Variants in RALYL observed in about 807,000 individuals in gnomAD.
RALYL encodes the protein RALY RNA binding protein like.
RALYL carries 29 observed loss-of-function variants against 35.1 expected under a neutral mutation model. The ratio of observed to expected loss-of-function variants is 0.83; its 90% confidence interval spans 0.61 to 1.13. The LOEUF (loss-of-function observed/expected upper bound fraction) is 1.13, where lower values mean the gene tolerates loss of function less well. Among genes scored for constraint, RALYL ranks in the 50% most tolerant of loss-of-function variants. The pLI is 0.00. For missense variants in RALYL, 359 were observed against 360.4 expected, an observed-to-expected ratio of 1.00 and a Z score of 0.03; for synonymous variants, 120 against 127.6, an observed-to-expected ratio of 0.94 and a Z score of 0.40.
intron 1 of RALYL, among the ~76,000 whole-genome samples, chr8:84,215,503 A>G (rs1820592640): frequency 6.6e-6 from 1 of 151,920 alleles, no homozygotes; most frequent in Admixed American, 6.6e-5. Flanking sequence ...ATAAATGCAT[A>G]TCTATTCATA....
intron 1 of RALYL, among the ~76,000 whole-genome samples, chr8:84,487,280 G>T (rs1258465384): frequency 6.6e-6 from 1 of 152,028 alleles, no homozygotes; most frequent in African/African-American, 2.4e-5. Context: ...CACTGACCTT[G>T]TTTTGAGTCG....
At chr8:84,863,032 C>T (rs1015630973) in intron 6 of RALYL, among the ~76,000 whole-genome samples, 8 of 152,132 alleles carry the variant, frequency 5.3e-5, no homozygotes, top group Non-Finnish European at 1.0e-4. Flanking sequence ...TCCAACTAAA[C>T]ACATTGCTAA....
intron 1 of RALYL, among the ~76,000 whole-genome samples, chr8:84,360,377 A>G (rs941350536): frequency 6.6e-6 from 1 of 152,202 alleles, no homozygotes; most frequent in Admixed American, 6.6e-5. Context: ...GTTGTCTTGA[A>G]TCTTACAAGA....
intron 2 of RALYL, among the ~76,000 whole-genome samples, chr8:84,637,050 C>G (rs890248436): frequency 1.3e-5 from 2 of 151,854 alleles, no homozygotes; most frequent in Non-Finnish European, 2.9e-5. Context: ...ACCTTCCTAT[C>G]AGAAAATATA....
chr8:84,905,008 T>C (rs571202024), intron 8 of RALYL, among the ~76,000 whole-genome samples: 6 of 152,194 alleles, frequency 3.9e-5, no homozygotes, highest in Admixed American at 6.6e-5. Flanking sequence ...TACAGTATTG[T>C]TGACTATGCA....
At chr8:84,305,725 G>C (rs933384754) in intron 1 of RALYL, among the ~76,000 whole-genome samples, 14 of 152,118 alleles carry the variant, frequency 9.2e-5, no homozygotes, top group African/African-American at 2.9e-4. Flanking sequence ...AAGTTGGTTG[G>C]TAATTGAATA....
At chr8:84,451,413 G>T (rs1483852914) in intron 1 of RALYL, among the ~76,000 whole-genome samples, 1 of 151,880 alleles carries the variant, frequency 6.6e-6, no homozygotes, top group African/African-American at 2.4e-5. Context: ...TCAGGTCACA[G>T]CCCAAAGACA....
At chr8:84,897,361 A>G (rs1314207483) in intron 8 of RALYL, among the ~76,000 whole-genome samples, 5 of 152,164 alleles carry the variant, frequency 3.3e-5, no homozygotes, top group Non-Finnish European at 7.4e-5. Flanking sequence ...CAAATTTGTT[A>G]AAAAAGCACT....
At chr8:84,419,305 A>C (rs987103217) in intron 1 of RALYL, among the ~76,000 whole-genome samples, 6 of 152,072 alleles carry the variant, frequency 3.9e-5, no homozygotes, top group Non-Finnish European at 8.8e-5. Flanking sequence ...TTTGGTATTA[A>C]CGTCTGTCAA....
At chr8:84,257,225 A>C (rs1831375841) in intron 1 of RALYL, among the ~76,000 whole-genome samples, 1 of 152,090 alleles carries the variant, frequency 6.6e-6, no homozygotes, top group African/African-American at 2.4e-5. Flanking sequence ...TGCTGAGAAA[A>C]AGATTGCGTG....
At chr8:84,422,016 G>T (rs1323818193) in intron 1 of RALYL, among the ~76,000 whole-genome samples, 4 of 151,896 alleles carry the variant, frequency 2.6e-5, no homozygotes, top group East Asian at 1.9e-4. Context: ...TCTCTTTTTT[G>T]GTTGTGTCTC....
At chr8:84,620,656 GGAGGA>G in intron 2 of RALYL, among the ~76,000 whole-genome samples, 1 of 152,272 alleles carries the variant, frequency 6.6e-6, no homozygotes, top group East Asian at 1.9e-4. Flanking sequence ...TTCCTTTGGA[GGAGGA>G]GAGGCACTCT....
At chr8:84,723,524 A>G (rs186591763) in intron 2 of RALYL, among the ~76,000 whole-genome samples, 90 of 152,110 alleles carry the variant, frequency 5.9e-4, no homozygotes, top group African/African-American at 2.1e-3. Flanking sequence ...AGCAAAAAAG[A>G]CTTCAGAGTT....
chr8:84,610,080 A>T (rs1368532319), intron 2 of RALYL, among the ~76,000 whole-genome samples: 1 of 152,124 alleles, frequency 6.6e-6, no homozygotes, highest in Non-Finnish European at 1.5e-5. Context: ...GGGAGCTACA[A>T]TTCAAGATGA....
At chr8:84,706,060 T>C (rs1389176755) in intron 2 of RALYL, 2 of 1,535,042 alleles carry the variant, frequency 1.3e-6, no homozygotes, top group South Asian at 2.4e-5. Context: ...ACATCAGAGA[T>C]GTAAGTAAAA....
chr8:84,427,302 C>G (rs1445797087), intron 1 of RALYL, among the ~76,000 whole-genome samples: 1 of 152,208 alleles, frequency 6.6e-6, no homozygotes, highest in Non-Finnish European at 1.5e-5. Flanking sequence ...ATTCTCCACA[C>G]TGCTTCCATA....
In RALYL at chr8:84,908,861, C is replaced by A. The variant is rs377513863; in HGVS notation, c.859-12033C>A. Among the ~76,000 whole-genome samples, 3 of 151,194 alleles carry A rather than the reference C, an allele frequency of 2.0e-5. No homozygotes were observed. In the East Asian group the frequency reaches 5.9e-4, roughly 30 times the overall value. On this transcript the variant is annotated intron_variant, in intron 8 of 8. Coordinates refer to ENST00000521268, the MANE Select transcript of RALYL (RefSeq NM_173848.7). ...ATTCTGACTGGATGTCACCCTCCAG[C>A]ACTTTTTTTTTTTTTTGCGCAACTT...
chr8:84,434,148 G>A (rs962647503), intron 1 of RALYL, among the ~76,000 whole-genome samples: 2 of 151,944 alleles, frequency 1.3e-5, no homozygotes, highest in Admixed American at 1.3e-4. Context: ...TTTGTTGTTG[G>A]CTGTCTTCTC....
chr8:84,527,947 C>A (rs542248727), intron 1 of RALYL, among the ~76,000 whole-genome samples: 1 of 152,074 alleles, frequency 6.6e-6, no homozygotes, highest in Non-Finnish European at 1.5e-5. Flanking sequence ...TAATATTGAA[C>A]AACTTAATTT....
Sources: allele counts gnomAD v4.1 joint callset (sites outside exome capture counted in the v4.1 genomes callset), GRCh38; gene constraint gnomAD v4.1.1; transcripts MANE v1.5; gene names NCBI Gene and HGNC (gene_info 2026-07-23, HGNC 2026-07-21).